The following PAX5 variants were observed in gnomAD, a reference collection of about 807,000 sequenced individuals.
The protein encoded by PAX5 is paired box 5.
A neutral mutation model predicts 43.7 loss-of-function variants in PAX5; 9 were observed. The observed-to-expected ratio is 0.21, with a 90% CI of 0.12 to 0.36. The LOEUF (loss-of-function observed/expected upper bound fraction) is 0.36, where lower values mean the gene tolerates loss of function less well. Among genes scored for constraint, PAX5 ranks in the 10% least tolerant of loss-of-function variants. PAX5 has a pLI of 1.00. For missense variants in PAX5, 383 were observed against 532.7 expected, an observed-to-expected ratio of 0.72 and a Z score of 2.77; for synonymous variants, 228 against 214.3, an observed-to-expected ratio of 1.06 and a Z score of -0.56.
intron 7 of PAX5, chr9:36,893,497 C>G (rs1326452833): frequency 6.5e-6 from 1 of 153,636 alleles, no homozygotes; most frequent in Non-Finnish European, 1.5e-5. Flanking sequence ...GGCACCAACT[C>G]TGGAAGGCTG....
At chr9:36,893,275 G>A (rs1297682970) in intron 7 of PAX5, among the ~76,000 whole-genome samples, 3 of 152,152 alleles carry the variant, frequency 2.0e-5, no homozygotes, top group South Asian at 2.1e-4. Flanking sequence ...GGAACTTCTC[G>A]CGTTCAAGGA....
intron 8 of PAX5, among the ~76,000 whole-genome samples, chr9:36,857,942 A>G (rs919276986): frequency 6.6e-6 from 1 of 152,222 alleles, no homozygotes; most frequent in Admixed American, 6.5e-5. Context: ...CTGCACAGGC[A>G]TTGAGGGCAG....
intron 6 of PAX5, among the ~76,000 whole-genome samples, chr9:36,936,829 T>C (rs1054778757): frequency 7.0e-4 from 76 of 108,430 alleles, no homozygotes; most frequent in Admixed American, 1.8e-3. Flanking sequence ...CACACACACA[T>C]GCACACACAC....
intron 5 of PAX5, among the ~76,000 whole-genome samples, chr9:36,975,399 T>A (rs1321530219): frequency 6.6e-6 from 1 of 151,354 alleles, no homozygotes; most frequent in Non-Finnish European, 1.5e-5. Context: ...TTTTTTTTGT[T>A]TTTTGAGACG....
chr9:37,032,146 TC>T (rs1841048900), intron 1 of PAX5, among the ~76,000 whole-genome samples: 1 of 152,124 alleles, frequency 6.6e-6, no homozygotes, highest in African/African-American at 2.4e-5. Flanking sequence ...AGCCTAGGGC[TC>T]CCGTATCTCA....
At position 37,012,036 on chromosome 9, in the gene PAX5, G is replaced by A. The variant is rs79956214; in HGVS notation, c.410+2961C>T. On this transcript the variant is annotated intron_variant, in intron 3 of 9. Transcript: ENST00000358127. Reference sequence around the variant, plus strand: ...GGGTTTAGGGGTGAGGAAGGCAGCCGCATGAGATTGTCCTACACTTAGTGA... The same window carrying A: ...GGGTTTAGGGGTGAGGAAGGCAGCCACATGAGATTGTCCTACACTTAGTGA... Among the ~76,000 whole-genome samples, 1,237 of 152,200 alleles carry A rather than the reference G, an allele frequency of 8.1e-3. 13 individuals are homozygous for A. The highest frequency in any genetic ancestry group is 0.028 in the African/African-American group (1,182 of 41,520).
intron 5 of PAX5, among the ~76,000 whole-genome samples, chr9:36,977,911 G>C (rs1252743903): frequency 2.0e-5 from 3 of 152,228 alleles, no homozygotes; most frequent in Non-Finnish European, 4.4e-5. Context: ...CATGGTGCAG[G>C]GGAACGGCTA....
intron 5 of PAX5, among the ~76,000 whole-genome samples, chr9:36,976,352 A>C (rs1835424010): frequency 6.6e-6 from 1 of 152,186 alleles, no homozygotes; most frequent in Non-Finnish European, 1.5e-5. Flanking sequence ...AGAGTGATCC[A>C]GAGATGACTA....
At chr9:37,001,955 T>TC (rs907651744) in intron 5 of PAX5, among the ~76,000 whole-genome samples, 5 of 151,844 alleles carry the variant, frequency 3.3e-5, no homozygotes, top group Admixed American at 2.6e-4. Flanking sequence ...GTGTCCGGTG[T>TC]CCAGGATGGA....
At chr9:36,898,469 G>GC (rs1376821890) in intron 7 of PAX5, among the ~76,000 whole-genome samples, 2 of 152,090 alleles carry the variant, frequency 1.3e-5, no homozygotes, top group Non-Finnish European at 2.9e-5. Flanking sequence ...CCGGGCCCCA[G>GC]AACCCCAGCA....
rs767082093 is a variant in PAX5, at chr9:36,943,478, A to AACTTC, written c.781-19999_781-19995dup. On this transcript the variant is annotated intron_variant, in intron 6 of 9. Transcript: ENST00000358127. ...TACAATAAAGCTGATCTTACTTGCT[A>AACTTC]ACTTCAGCTCTCCTAAAGATATTGC... 1.0e-4 allele frequency among the ~76,000 whole-genome samples: 15 copies of AACTTC among 150,730 alleles called. No homozygotes were observed. In the East Asian group the frequency reaches 2.8e-3, roughly 28 times the overall value.
chr9:36,844,474 G>A (rs1295996289), intron 9 of PAX5, among the ~76,000 whole-genome samples: 1 of 152,200 alleles, frequency 6.6e-6, no homozygotes, highest in Admixed American at 6.5e-5. Context: ...ACATCAGATA[G>A]CCCATGTAAA....
chr9:36,952,349 C>G (rs1833083730), intron 6 of PAX5, among the ~76,000 whole-genome samples: 1 of 143,944 alleles, frequency 6.9e-6, no homozygotes, highest in South Asian at 2.3e-4. Flanking sequence ...AAGTAATTCT[C>G]CTGTCTCGGC....
chr9:36,917,821 C>T (rs1829840057), intron 7 of PAX5, among the ~76,000 whole-genome samples: 1 of 152,260 alleles, frequency 6.6e-6, no homozygotes, highest in South Asian at 2.1e-4. Context: ...AGCATGCGCT[C>T]CCTTCCTGTC....
intron 5 of PAX5, among the ~76,000 whole-genome samples, chr9:36,978,444 T>A (rs1330631798): frequency 6.6e-6 from 1 of 152,200 alleles, no homozygotes; most frequent in East Asian, 1.9e-4. Flanking sequence ...AAGGGATGCA[T>A]ACATCCCTTT....
chr9:37,006,574 T>A, intron 3 of PAX5, 37 bp from the exon 4 acceptor site: 1 of 1,562,966 alleles, frequency 6.4e-7, no homozygotes, highest in Non-Finnish European at 8.8e-7. Flanking sequence ...CTATTTACCA[T>A]CAGGAAGGAG....
chr9:37,033,881 G>A, intron 1 of PAX5, 105 bp downstream of exon 1: 1 of 948,746 alleles, frequency 1.1e-6, no homozygotes, highest in Non-Finnish European at 1.7e-6. Context: ...CAGTCTCTAC[G>A]AAAATGCGGC....
intron 7 of PAX5, among the ~76,000 whole-genome samples, chr9:36,908,933 T>C (rs1388481670): frequency 6.6e-6 from 1 of 152,250 alleles, no homozygotes; most frequent in African/African-American, 2.4e-5. Context: ...ACACAAATAT[T>C]AATTCATTTT....
intron 8 of PAX5, among the ~76,000 whole-genome samples, chr9:36,863,827 G>C (rs1824478093): frequency 7.0e-6 from 1 of 141,906 alleles, no homozygotes; most frequent in African/African-American, 2.5e-5. Context: ...GTGCACAGTA[G>C]GGGCCGGGCG....
Sources: allele counts gnomAD v4.1 joint callset (sites outside exome capture counted in the v4.1 genomes callset), GRCh38; gene constraint gnomAD v4.1.1; transcripts MANE v1.5; gene names NCBI Gene and HGNC (gene_info 2026-07-23, HGNC 2026-07-21).